The following CACNG5 variants were observed in gnomAD, a reference collection of about 807,000 sequenced individuals.
The protein encoded by CACNG5 is voltage-dependent calcium channel gamma-5 subunit.
CACNG5 carries 18 observed loss-of-function variants against 24.8 expected under a neutral mutation model. The observed-to-expected ratio is 0.73, with a 90% CI of 0.50 to 1.08. The LOEUF (loss-of-function observed/expected upper bound fraction) is 1.08. Ranked by LOEUF, CACNG5 falls within the 50% of genes least tolerant of loss-of-function variation. The probability of loss-of-function intolerance (pLI) is 0.00; values close to 1 mark genes in which losing one functional copy is unlikely to be tolerated. For synonymous variants in CACNG5, 157 were observed against 149.1 expected, an observed-to-expected ratio of 1.05 and a Z score of -0.39; for missense variants, 349 against 367.9, an observed-to-expected ratio of 0.95 and a Z score of 0.42.
At chr17:66,878,871 G>A (rs1280702125) in intron 2 of CACNG5, 101 bp from the exon 3 acceptor site, 1 of 968,934 alleles carries the variant, frequency 1.0e-6, no homozygotes, top group Non-Finnish European at 1.6e-6. Context: ...AGACACAGCA[G>A]GTCAAAGATC....
chr17:66,843,099 A>G lies in CACNG5; in HGVS notation c.-104+7849A>G, dbSNP rs566109601. On this transcript the variant is annotated intron_variant, in intron 1 of 5. Transcript: ENST00000533854. ...TACTTGACATGTATTGCACTATTTA[A>G]TGGAATCCCCTGCCATAATCTTGGT... Among the ~76,000 whole-genome samples the G allele has an allele frequency of 1.7e-3, 263 of 152,336 alleles. 3 individuals are homozygous for G. The highest frequency in any genetic ancestry group is 5.8e-3 in the African/African-American group (243 of 41,574).
chr17:66,850,909 T>C (rs1976703787), intron 1 of CACNG5, among the ~76,000 whole-genome samples: 2 of 152,184 alleles, frequency 1.3e-5, no homozygotes, highest in Non-Finnish European at 2.9e-5. Flanking sequence ...ACTCAAAGCC[T>C]TGAGCATGTG....
At position 66,892,893 on chromosome 17, in the gene CACNG5, G is replaced by C. The variant is rs1977363838; in HGVS notation, c.*7653G>C. 6.6e-6 allele frequency among the ~76,000 whole-genome samples: 1 copy of C among 152,170 alleles called. No homozygotes were observed. Among genetic ancestry groups the C allele is most frequent in the East Asian group, 1.9e-4 (1 of 5,194 alleles). On this transcript the variant is annotated 3_prime_UTR_variant, in exon 6 of 6. Transcript: ENST00000533854. ...CAGGCTTGGGATTCACCCAAGAATGGATTCACCATCTTCAACCCAGGCACA... is the reference window on the plus strand; with the variant it reads ...CAGGCTTGGGATTCACCCAAGAATGCATTCACCATCTTCAACCCAGGCACA...
At chr17:66,860,337 A>T (rs193031585) in intron 1 of CACNG5, among the ~76,000 whole-genome samples, 1 of 152,334 alleles carries the variant, frequency 6.6e-6, no homozygotes, top group Admixed American at 6.5e-5. Flanking sequence ...CCACACCCAG[A>T]CACATCATAG....
At chr17:66,842,357 G>C (rs2144497865) in intron 1 of CACNG5, among the ~76,000 whole-genome samples, 1 of 152,328 alleles carries the variant, frequency 6.6e-6, no homozygotes, top group Non-Finnish European at 1.5e-5. Flanking sequence ...TGAGAGCACT[G>C]TCAGGAGGGT....
At position 66,885,348 on chromosome 17, in the gene CACNG5, A is replaced by G; in HGVS notation, c.*108A>G. 1.5e-6 allele frequency: 2 copies of G among 1,352,796 alleles called. No individual in the cohort carries two copies. Among genetic ancestry groups the G allele is most frequent in the East Asian group, 2.3e-5 (1 of 42,984 alleles). The allele number at this position is 1,352,796 out of a possible 1,614,324, so 83.8% of individuals were successfully genotyped here. On this transcript the variant is annotated 3_prime_UTR_variant, in exon 6 of 6. Coordinates refer to ENST00000533854, the MANE Select transcript of CACNG5 (RefSeq NM_145811.3). ...TGTGGTTGACAGGCCCAGGCCACCC[A>G]TGCTTAGCTGTTGTCACTTGACCCC...
At chr17:66,837,344 T>G (rs978932080) in intron 1 of CACNG5, among the ~76,000 whole-genome samples, 1 of 152,194 alleles carries the variant, frequency 6.6e-6, no homozygotes, top group Non-Finnish European at 1.5e-5. Flanking sequence ...GGATGGAGGA[T>G]GTAACCCAGT....
Position 66,884,623 on chromosome 17 carries a change from T to C in CACNG5, c.532T>C (p.Ser178Pro), listed in dbSNP as rs370362411. The C allele has an allele frequency of 1.2e-6, 2 of 1,613,992 alleles. No individual in the cohort carries two copies. The highest frequency in any genetic ancestry group is 1.7e-6 in the Non-Finnish European group (2 of 1,180,040). The change falls in exon 5 of 6, where the codon TCG becomes CCG. Residue 178 changes from serine to proline, a missense_variant. Coordinates refer to ENST00000533854, the MANE Select transcript of CACNG5 (RefSeq NM_145811.3). ...CTACTTCAACTACAAGTATGGGTGG[T>C]CGTTTGCCTTCGCCGCCATCTCCTT... ...ETYFNYKYGW[S>P]FAFAAISFLL...
intron 3 of CACNG5, 148 bp downstream of exon 3, chr17:66,879,206 C>T (rs945715666): frequency 5.5e-5 from 31 of 563,430 alleles, no homozygotes; most frequent in Non-Finnish European, 8.8e-5. Context: ...AGATGATCCA[C>T]TAGAGCTTAA....
intron 1 of CACNG5, among the ~76,000 whole-genome samples, chr17:66,857,515 T>G (rs993831976): frequency 1.3e-5 from 2 of 152,242 alleles, no homozygotes; most frequent in East Asian, 3.8e-4. Flanking sequence ...ATATGCCATT[T>G]CAGCATGTGA....
At chr17:66,872,365 C>T (rs979857636) in intron 1 of CACNG5, among the ~76,000 whole-genome samples, 2 of 152,110 alleles carry the variant, frequency 1.3e-5, no homozygotes, top group Non-Finnish European at 2.9e-5. Flanking sequence ...AGCAGAAGCT[C>T]GAACAAGGGT....
chr17:66,880,016 C>T (rs1046931133), intron 3 of CACNG5, among the ~76,000 whole-genome samples: 11 of 152,124 alleles, frequency 7.2e-5, no homozygotes, highest in African/African-American at 2.7e-4. Flanking sequence ...AAAGACACTC[C>T]CAACCTTGGA....
Position 66,855,200 on chromosome 17 carries a change from T to C in CACNG5, c.-104+19950T>C, listed in dbSNP as rs578129011. Among the ~76,000 whole-genome samples the C allele has an allele frequency of 7.9e-5, 12 of 152,356 alleles. No homozygotes were observed. In the East Asian group the frequency reaches 2.3e-3, roughly 29 times the overall value. On this transcript the variant is annotated intron_variant, in intron 1 of 5. Transcript: ENST00000533854. The stretch of plus-strand genomic sequence containing the variant: ...CTGAATGAGACTCAGAAAGCTCAAG[T>C]GTCTTGTCAGAGTTCACATAAGCTG...
intron 1 of CACNG5, among the ~76,000 whole-genome samples, chr17:66,840,393 A>T (rs1976549874): frequency 6.6e-6 from 1 of 152,146 alleles, no homozygotes; most frequent in Non-Finnish European, 1.5e-5. Flanking sequence ...CGGGATCTTC[A>T]GGGCCAGTCT....
chr17:66,844,205 T>C (rs1976606408), intron 1 of CACNG5, among the ~76,000 whole-genome samples: 1 of 152,220 alleles, frequency 6.6e-6, no homozygotes. Flanking sequence ...GTACACCTTA[T>C]CATCATGTGT....
intron 1 of CACNG5, among the ~76,000 whole-genome samples, chr17:66,864,743 T>G (rs1343432684): frequency 6.6e-6 from 1 of 152,246 alleles, no homozygotes. Flanking sequence ...ATGTTCATCT[T>G]TAAAAGAAAT....
At chr17:66,870,558 G>C (rs531128446) in intron 1 of CACNG5, among the ~76,000 whole-genome samples, 1 of 152,318 alleles carries the variant, frequency 6.6e-6, no homozygotes, top group East Asian at 1.9e-4. Context: ...GGGCCGAGGT[G>C]GAGAAACCCT....
chr17:66,840,638 A>G (rs1976552860), intron 1 of CACNG5, among the ~76,000 whole-genome samples: 1 of 152,178 alleles, frequency 6.6e-6, no homozygotes, highest in Non-Finnish European at 1.5e-5. Context: ...TGTGGGTTTT[A>G]AAAATACCCC....
Position 66,891,719 on chromosome 17 carries a change from A to G in CACNG5, c.*6479A>G, listed in dbSNP as rs1388925713. ...GAGAACGTAGATCCCACCATCTCAG[A>G]TGTGAGGAGTGTCAGAGTTCCATTG... On this transcript the variant is annotated 3_prime_UTR_variant, in exon 6 of 6. Coordinates refer to ENST00000533854, the MANE Select transcript of CACNG5 (RefSeq NM_145811.3). 6.6e-6 allele frequency among the ~76,000 whole-genome samples: 1 copy of G among 152,190 alleles called. No homozygotes were observed. Among genetic ancestry groups the G allele is most frequent in the Non-Finnish European group, 1.5e-5 (1 of 68,024 alleles).
Sources: allele counts gnomAD v4.1 joint callset (sites outside exome capture counted in the v4.1 genomes callset), GRCh38; gene constraint gnomAD v4.1.1; transcripts MANE v1.5; gene names NCBI Gene and HGNC (gene_info 2026-07-23, HGNC 2026-07-21).